The following HEATR1 variants were observed in gnomAD, a reference collection of about 807,000 sequenced individuals.
HEATR1 encodes the protein HEAT repeat-containing protein 1.
Under a neutral mutation model 248.2 loss-of-function variants are expected in HEATR1, and 77 were observed. The ratio of observed to expected loss-of-function variants is 0.31; its 90% CI spans 0.26 to 0.37. The LOEUF (loss-of-function observed/expected upper bound fraction) is 0.37. Among genes scored for constraint, HEATR1 ranks in the 10% least tolerant of loss-of-function variants. HEATR1 has a pLI of 1.00. For synonymous variants in HEATR1, 897 were observed against 923.1 expected (o/e 0.97, Z 0.51); for missense variants, 2,420 against 2,504.9 (o/e 0.97, Z 0.72).
At chr1:236,565,876 A>G (rs1371987094) in intron 31 of HEATR1, 43 bp downstream of exon 31, 2 of 1,574,092 alleles carry the variant, frequency 1.3e-6, no homozygotes, top group South Asian at 2.3e-5. Context: ...GTTTCTCTTT[A>G]GCTTTCAGAT....
intron 32 of HEATR1, among the ~76,000 whole-genome samples, chr1:236,564,223 C>G (rs1384671402): frequency 1.3e-5 from 2 of 152,170 alleles, no homozygotes; most frequent in Non-Finnish European, 2.9e-5. Context: ...TATAAAGATT[C>G]TTGTAGTTTT....
In HEATR1 at chr1:236,596,058, A is replaced by G; in HGVS notation, c.745-14T>C. 6.5e-7 allele frequency: 1 copy of G among 1,541,578 alleles called. No homozygotes were observed. On this transcript the variant is annotated splice_polypyrimidine_tract_variant and intron_variant, in intron 6 of 44. Transcript: ENST00000366582. ...TGATTTCAATCCCTAAATATTTTTT[A>G]AATATAAGGAAAAATGATAAACCAT...
At position 236,582,669 on chromosome 1, in the gene HEATR1, C is replaced by G. The variant is rs186440009; in HGVS notation, c.2562+67G>C. On this transcript the variant is annotated intron_variant, in intron 19 of 44. Transcript: ENST00000366582. ...CCGCCTGCCTCGGCCTCCCAAAGTG[C>G]TGGGATTGCAGGCCAGCCATATCTT... 8.7e-5 allele frequency: 135 copies of G among 1,558,746 alleles called. No individual in the cohort carries two copies. The African/African-American group carries it at 1.8e-3, about 20-fold the overall frequency.
chr1:236,572,884 G>C (rs1175987026), intron 24 of HEATR1, 56 bp from the exon 25 acceptor site: 2 of 1,452,876 alleles, frequency 1.4e-6, no homozygotes, highest in African/African-American at 2.8e-5. Context: ...TAAAATTAGA[G>C]CAATAAATGT....
chr1:236,553,679 G>A lies in HEATR1; in HGVS notation c.6139C>T (p.Pro2047Ser), dbSNP rs774279258. The change falls in exon 43 of 45, where the codon CCA (proline) becomes TCA (serine). Residue 2047 changes from proline to serine, a missense_variant. By Grantham distance (74) the Pro-to-Ser change is moderately conservative. Coordinates refer to ENST00000366582, the MANE Select transcript of HEATR1 (RefSeq NM_018072.6). ...GCCACCGAAAACTGTGCGATGCATGGTATCAGGTGCTTTGTCACCCGTTCC... is the reference window on the plus strand; with the variant it reads ...GCCACCGAAAACTGTGCGATGCATGATATCAGGTGCTTTGTCACCCGTTCC... ...FQERVTKHLI[P>S]CIAQFSVAMA... 10 of 1,613,766 alleles carry A rather than the reference G, an allele frequency of 6.2e-6. No homozygotes were observed. Among genetic ancestry groups the A allele is most frequent in the Non-Finnish European group, 8.5e-6 (10 of 1,179,878 alleles).
intron 43 of HEATR1, among the ~76,000 whole-genome samples, chr1:236,553,157 G>A (rs1201424504): frequency 6.6e-6 from 1 of 152,084 alleles, no homozygotes; most frequent in Non-Finnish European, 1.5e-5. Context: ...AAGATCATAA[G>A]CCTAGTATCT....
In HEATR1 at chr1:236,592,472, T is replaced by C. The variant is rs768668958; in HGVS notation, c.1304+51A>G. The C allele has an allele frequency of 5.2e-6, 4 of 764,324 alleles. 1 individual carries two copies. The South Asian group carries it at 6.1e-5, about 12-fold the overall frequency. The allele number at this position is 764,324 out of a possible 1,614,324, so 47.3% of individuals were successfully genotyped here. A position where few individuals can be genotyped will look rare whatever the true frequency, so the allele number is the denominator to read the frequency against. ...AGATGTGACTTGTGAATCATATCTT[T>C]ATAGAACAGGAAGTACTTTAGAAGA... is the stretch of plus-strand genomic sequence containing the variant. On this transcript the variant is annotated intron_variant, in intron 10 of 44. Transcript: ENST00000366582.
chr1:236,588,542 A>G (rs1663952283), intron 12 of HEATR1, among the ~76,000 whole-genome samples: 1 of 152,250 alleles, frequency 6.6e-6, no homozygotes, highest in Non-Finnish European at 1.5e-5. Context: ...TCTGTAGCAC[A>G]GTGCTTTACA....
Position 236,551,037 on chromosome 1 carries a change from C to T in HEATR1, c.6347-47G>A, listed in dbSNP as rs763953114. 2.9e-6 allele frequency: 4 copies of T among 1,388,428 alleles called. No individual in the cohort carries two copies. In the African/African-American group the frequency reaches 4.4e-5, roughly 15 times the overall value. 86.0% of individuals were successfully genotyped at this position (1,388,428 alleles called of 1,614,324 possible). On this transcript the variant is annotated intron_variant, in intron 44 of 44. Transcript: ENST00000366582. ...CAAAATTAAAATCTGAGTCAGTCCG[C>T]CTGCCTCGGTTCTCATTAGTTTAAT...
chr1:236,594,797 AATT>A (rs149235268), intron 8 of HEATR1, among the ~76,000 whole-genome samples: 2 of 151,868 alleles, frequency 1.3e-5, no homozygotes, highest in African/African-American at 2.4e-5. Flanking sequence ...ATCACTTTCT[AATT>A]ATTATTATTA....
Position 236,583,096 on chromosome 1 carries a change from AC to A in HEATR1, c.2341del (p.Val781TrpfsTer13). 1 of 1,614,110 alleles carries A rather than the reference AC, an allele frequency of 6.2e-7. No homozygotes were observed. The highest frequency in any genetic ancestry group is 8.5e-7 in the Non-Finnish European group (1 of 1,179,990). ...AAGAAAAACCGAGTCCTCCACGGCC[AC>A]CCTCTGAGTGCTGTTGAGCTCTTCT... The part of the protein sequence containing the change: ...YVEELNSTQR[V>X]AVEDSVFLVF... On this transcript the variant is annotated frameshift_variant, in exon 18 of 45. Transcript: ENST00000366582. LOFTEE classifies it high-confidence loss of function.
chr1:236,586,359 C>G lies in HEATR1; in HGVS notation c.1809G>C (p.Leu603Phe). ...CATTATTGATAACCATAAATGGCAG[C>G]AAACATACAACCACCTGATTTGACA... is the stretch of plus-strand genomic sequence containing the variant. ...DQLSNQVVVCLLPFMVINNDD... is the reference protein window; with the variant it reads ...DQLSNQVVVCFLPFMVINNDD... The change falls in exon 15 of 45, where the codon TTG becomes TTC. Residue 603 changes from leucine (L) to phenylalanine (F), a missense_variant. By Grantham distance (22) the Leu-to-Phe change is conservative. Coordinates refer to ENST00000366582, the MANE Select transcript of HEATR1 (RefSeq NM_018072.6). The G allele has an allele frequency of 6.2e-7, 1 of 1,612,744 alleles. No individual in the cohort carries two copies. Among genetic ancestry groups the G allele is most frequent in the Non-Finnish European group, 8.5e-7 (1 of 1,178,846 alleles).
At chr1:236,562,500 C>T (rs1295903734) in intron 32 of HEATR1, among the ~76,000 whole-genome samples, 1 of 152,170 alleles carries the variant, frequency 6.6e-6, no homozygotes, top group Non-Finnish European at 1.5e-5. Context: ...CATTCTCTCC[C>T]CCAACTGCTT....
intron 44 of HEATR1, 117 bp from the exon 45 acceptor site, chr1:236,551,107 G>T: frequency 2.5e-6 from 2 of 791,024 alleles, no homozygotes; most frequent in Non-Finnish European, 3.9e-6. Flanking sequence ...TCAAAAGAGT[G>T]AAATGAAGCA....
At position 236,576,795 on chromosome 1, in the gene HEATR1, A is replaced by G; in HGVS notation, c.2910T>C (p.Ala970=). 1 of 1,612,022 alleles carries G rather than the reference A, an allele frequency of 6.2e-7. No individual in the cohort carries two copies. Among genetic ancestry groups the G allele is most frequent in the African/African-American group, 1.3e-5 (1 of 74,950 alleles). The stretch of plus-strand genomic sequence containing the variant: ...ACGAGCTTACCTGAATAACATAGGC[A>G]GCATCTGAAGTGATCTCCTCTGCTT... The part of the protein sequence containing the change: ...ISKAEEITSD[A]AYVIQDLATL... The change falls in exon 21 of 45, where the codon GCT becomes GCC. Residue 970 remains alanine, a synonymous_variant. Coordinates refer to ENST00000366582, the MANE Select transcript of HEATR1 (RefSeq NM_018072.6).
rs780904260 is a variant in HEATR1 at position 236,582,876 on chromosome 1, C to G, written c.2426-4G>C. 5 of 1,613,804 alleles carry G rather than the reference C, an allele frequency of 3.1e-6. No individual in the cohort carries two copies. On this transcript the variant is annotated splice_region_variant and splice_polypyrimidine_tract_variant and intron_variant, in intron 18 of 44. Transcript: ENST00000366582. ...TCAGGATTCCACCATATATCACCTA[C>G]AAGGACATGGAAAGAGAAATGATGC...
chr1:236,555,996 G>A (rs1025346593), intron 38 of HEATR1, 57 bp from the exon 39 acceptor site: 25 of 1,605,288 alleles, frequency 1.6e-5, no homozygotes, highest in African/African-American at 5.4e-5. Context: ...AGAGTTCAGC[G>A]GTGTGTATTT....
intron 8 of HEATR1, among the ~76,000 whole-genome samples, chr1:236,594,836 C>T (rs1274889809): frequency 6.6e-6 from 1 of 152,080 alleles, no homozygotes; most frequent in Non-Finnish European, 1.5e-5. Flanking sequence ...CTCACTCTGT[C>T]GCCCAGGCTG....
At chr1:236,561,357 T>C in intron 32 of HEATR1, 86 bp from the exon 33 acceptor site, 1 of 1,018,176 alleles carries the variant, frequency 9.8e-7, no homozygotes, top group South Asian at 1.3e-5. Context: ...ACTCGGACCA[T>C]TCACTGAAAC....
Sources: gnomAD v4.1 joint callset for allele counts (sites outside exome capture counted in the v4.1 genomes callset) on GRCh38, gnomAD v4.1.1 for gene constraint, MANE v1.5 for transcripts, NCBI Gene and HGNC (gene_info 2026-07-23, HGNC 2026-07-21) for gene names.